Variants in FAM98A observed in about 807,000 individuals in gnomAD.
FAM98A encodes the protein protein FAM98A.
Under a neutral mutation model 62.9 loss-of-function variants are expected in FAM98A, and 25 were observed. The ratio of observed to expected loss-of-function variants is 0.40; its 90% CI spans 0.29 to 0.56. FAM98A has a LOEUF of 0.56. FAM98A is among the 20% of genes least tolerant of loss of function. FAM98A has a pLI of 0.51. For missense variants in FAM98A, 653 were observed against 640.7 expected, an observed-to-expected ratio of 1.02 and a Z score of -0.21; for synonymous variants, 252 against 228.6, an observed-to-expected ratio of 1.10 and a Z score of -0.92.
Position 33,592,189 on chromosome 2 carries a change from C to A in FAM98A, c.228G>T (p.Gln76His), listed in dbSNP as rs377286793. Residue 76 changes from glutamine to histidine, a missense_variant, in exon 3 of 8, where the codon CAG becomes CAT. Gln to His is a conservative substitution (Grantham distance 24). Transcript: ENST00000238823. ...TNSPSEAEEF[Q>H]LEVSGLLGEM... is the part of the protein sequence containing the mutation. ...CCCCTAGTAGCCCACTCACCTCAAG[C>A]TGGAATTCTTCAGCTTCACTCGGAC... The A allele has an allele frequency of 3.7e-6, 6 of 1,612,308 alleles. No individual in the cohort carries two copies. The highest frequency in any genetic ancestry group is 2.2e-5 in the South Asian group (2 of 90,812).
intron 1 of FAM98A, among the ~76,000 whole-genome samples, chr2:33,597,591 G>A (rs1039025554): frequency 6.6e-6 from 1 of 151,760 alleles, no homozygotes; most frequent in East Asian, 1.9e-4. Flanking sequence ...AAAAAAGGAG[G>A]GGGAAAAAAA....
At chr2:33,588,247 A>G (rs1677601085) in intron 4 of FAM98A, 88 bp downstream of exon 4, 5 of 1,037,800 alleles carry the variant, frequency 4.8e-6, no homozygotes, top group Non-Finnish European at 7.1e-6. Flanking sequence ...TTAGGTTCCC[A>G]TTAAGAGAAA....
In FAM98A at chr2:33,584,854, T is replaced by C; in HGVS notation, c.1479A>G (p.Gln493=). 1 of 1,614,156 alleles carries C rather than the reference T, an allele frequency of 6.2e-7. No homozygotes were observed. The highest frequency in any genetic ancestry group is 8.5e-7 in the Non-Finnish European group (1 of 1,180,016). ...RGSQNYHQGG[Q]FEQHFQHGGY... Reference sequence around the variant, plus strand: ...CTCCATGCTGGAAATGCTGTTCAAATTGACCCCCTTGGTGATAATTCTGGC... The same window carrying C: ...CTCCATGCTGGAAATGCTGTTCAAACTGACCCCCTTGGTGATAATTCTGGC... The change falls in exon 8 of 8, where the codon CAA becomes CAG. Residue 493 remains glutamine (Q), a synonymous_variant. Coordinates refer to ENST00000238823, the MANE Select transcript of FAM98A (RefSeq NM_015475.5).
Position 33,584,872 on chromosome 2 carries a change from A to G in FAM98A, c.1461T>C (p.Asn487=), listed in dbSNP as rs1251758285. The G allele has an allele frequency of 1.2e-6, 2 of 1,613,938 alleles. No homozygotes were observed. Among genetic ancestry groups the G allele is most frequent in the Non-Finnish European group, 1.7e-6 (2 of 1,180,014 alleles). The change falls in exon 8 of 8, where the codon AAT becomes AAC. Residue 487 remains asparagine (N), a synonymous_variant. Transcript: ENST00000238823. The part of the protein sequence containing the change: ...GGGWGGRGSQ[N]YHQGGQFEQH... ...GTTCAAATTGACCCCCTTGGTGATAATTCTGGCTCCCTCTTCCTCCCCAGC... is the reference window on the plus strand; with the variant it reads ...GTTCAAATTGACCCCCTTGGTGATAGTTCTGGCTCCCTCTTCCTCCCCAGC...
intron 3 of FAM98A, 51 bp downstream of exon 3, chr2:33,592,029 G>A (rs533182270): frequency 2.5e-5 from 38 of 1,491,680 alleles, no homozygotes; most frequent in Non-Finnish European, 3.2e-5. Flanking sequence ...TATTAGTCAT[G>A]GAAAACATAA....
At chr2:33,597,803 TCACAGCATATTTTCCCAGTATCCTGTGAA>T (rs1677847847) in intron 1 of FAM98A, among the ~76,000 whole-genome samples, 1 of 152,306 alleles carries the variant, frequency 6.6e-6, no homozygotes, top group Non-Finnish European at 1.5e-5. Flanking sequence ...TCAGGGCTCC[TCACAGCATATTTTCCCAGTATCCTGTGAA>T]CCCCTCTTCC....
chr2:33,597,601 A>G (rs1349016244), intron 1 of FAM98A, among the ~76,000 whole-genome samples: 1 of 152,208 alleles, frequency 6.6e-6, no homozygotes, highest in Non-Finnish European at 1.5e-5. Context: ...GGGGAAAAAA[A>G]AAGACAATAA....
At chr2:33,586,940 G>A (rs916960433) in intron 5 of FAM98A, 1 of 520,166 alleles carries the variant, frequency 1.9e-6, no homozygotes, top group Non-Finnish European at 3.4e-6. Context: ...TCAGCCCAGT[G>A]AAGTTTTTGG....
At chr2:33,593,887 T>A (rs1677730855) in intron 2 of FAM98A, among the ~76,000 whole-genome samples, 1 of 152,152 alleles carries the variant, frequency 6.6e-6, no homozygotes, top group African/African-American at 2.4e-5. Flanking sequence ...GGGCTCCAGG[T>A]TAAATAGAGG....
chr2:33,598,474 A>G (rs1206927694), intron 1 of FAM98A, among the ~76,000 whole-genome samples: 2 of 152,204 alleles, frequency 1.3e-5, no homozygotes, highest in African/African-American at 4.8e-5. Context: ...TTGAATAAAT[A>G]TCAGGAGAAG....
Position 33,584,748 on chromosome 2 carries a change from C to A in FAM98A, c.*28G>T. 1 of 1,544,018 alleles carries A rather than the reference C, an allele frequency of 6.5e-7. No individual in the cohort carries two copies. The highest frequency in any genetic ancestry group is 1.4e-5 in the African/African-American group (1 of 72,978). ...TGAAACTAAGTTTCTATTACTTGAGCTCTAGCAAAATGTAAGGTTCGGTAG... is the reference window on the plus strand; with the variant it reads ...TGAAACTAAGTTTCTATTACTTGAGATCTAGCAAAATGTAAGGTTCGGTAG... On this transcript the variant is annotated 3_prime_UTR_variant, in exon 8 of 8. Coordinates refer to ENST00000238823, the MANE Select transcript of FAM98A (RefSeq NM_015475.5).
At chr2:33,585,747 T>G (rs113672771) in intron 6 of FAM98A, 50 bp from the exon 7 acceptor site, 1 of 1,519,530 alleles carries the variant, frequency 6.6e-7, no homozygotes, top group African/African-American at 1.4e-5. Context: ...CAAAATGACA[T>G]AAGAAACACA....
intron 4 of FAM98A, chr2:33,587,601 T>C: frequency 2.5e-6 from 1 of 395,694 alleles, no homozygotes; most frequent in Non-Finnish European, 4.8e-6. Flanking sequence ...CAGGAAAATA[T>C]GGACTATGGA....
At chr2:33,593,170 G>A (rs533623206) in intron 2 of FAM98A, among the ~76,000 whole-genome samples, 8 of 152,310 alleles carry the variant, frequency 5.3e-5, no homozygotes, top group African/African-American at 1.7e-4. Flanking sequence ...TTGGAAGGCC[G>A]AGACGAGTGG....
Position 33,584,917 on chromosome 2 carries a change from A to C in FAM98A, c.1416T>G (p.Gly472=). 4 of 1,613,536 alleles carry C rather than the reference A, an allele frequency of 2.5e-6. No individual in the cohort carries two copies. Among genetic ancestry groups the C allele is most frequent in the South Asian group, 1.1e-5 (1 of 91,034 alleles). Residue 472 remains glycine, a synonymous_variant, in exon 8 of 8, where the codon GGT becomes GGG. Transcript: ENST00000238823. ...GGRGGRGGRG[G]RAGQGGGWGG... is the part of the protein sequence containing the mutation. ...CCCAGCCTCCTCCCTGGCCTGCACGACCACCTCGGCCTCCACGACCACCTC... is the reference window on the plus strand; with the variant it reads ...CCCAGCCTCCTCCCTGGCCTGCACGCCCACCTCGGCCTCCACGACCACCTC...
chr2:33,598,592 G>T (rs1214166316), intron 1 of FAM98A, among the ~76,000 whole-genome samples: 3 of 152,206 alleles, frequency 2.0e-5, no homozygotes, highest in Non-Finnish European at 4.4e-5. Flanking sequence ...CAAACTGCTG[G>T]TGGTTCCCAG....
rs765379794 is a variant in FAM98A, at chr2:33,592,211, G to A, written c.206C>T (p.Pro69Leu). The change falls in exon 3 of 8, where the codon CCG becomes CTG. Residue 69 changes from proline to leucine, a missense_variant. Physicochemically the swap from Pro to Leu is moderately conservative, Grantham distance 98 (BLOSUM62 -3). Transcript: ENST00000238823. ...AAGCTGGAATTCTTCAGCTTCACTC[G>A]GACCTTTTAAGAATTAAAATAATCT... Reference protein sequence around the residue: ...LEENVQATNSPSEAEEFQLEV... With the variant: ...LEENVQATNSLSEAEEFQLEV... 1.2e-5 allele frequency: 19 copies of A among 1,604,844 alleles called. No individual in the cohort carries two copies. Among genetic ancestry groups the A allele is most frequent in the Admixed American group, 1.7e-5 (1 of 59,154 alleles).
intron 3 of FAM98A, chr2:33,591,829 G>T: frequency 3.2e-6 from 1 of 314,502 alleles, no homozygotes; most frequent in Non-Finnish European, 5.9e-6. Flanking sequence ...ATCACATTAG[G>T]AGAAGCACAA....
intron 1 of FAM98A, among the ~76,000 whole-genome samples, chr2:33,596,578 C>T: frequency 1.3e-5 from 2 of 152,188 alleles, no homozygotes; most frequent in South Asian, 2.1e-4. Flanking sequence ...TAAGATGATA[C>T]AATAAATATG....
Sources: allele counts gnomAD v4.1 joint callset (sites outside exome capture counted in the v4.1 genomes callset), GRCh38; gene constraint gnomAD v4.1.1; transcripts MANE v1.5; gene names NCBI Gene and HGNC (gene_info 2026-07-23, HGNC 2026-07-21).